APMAP: variants seen among roughly 807,000 people sequenced by gnomAD.
The protein encoded by APMAP is adipocyte plasma membrane-associated protein.
Under a neutral mutation model 43.6 loss-of-function variants are expected in APMAP, and 33 were observed. The ratio of observed to expected loss-of-function variants is 0.76; its 90% CI spans 0.57 to 1.01. The LOEUF is 1.01. Among genes scored for constraint, APMAP ranks in the 50% least tolerant of loss-of-function variants. The pLI is 0.00. For synonymous variants in APMAP, 224 were observed against 216.7 expected (o/e 1.03, Z -0.30); for missense variants, 498 against 540.7 (o/e 0.92, Z 0.78).
At position 24,992,732 on chromosome 20, in the gene APMAP, GCGGCGCC is replaced by G. The variant is rs2088206904; in HGVS notation, c.-51_-45del. 1 of 1,409,700 alleles carries G rather than the reference GCGGCGCC, an allele frequency of 7.1e-7. No individual in the cohort carries two copies. Among genetic ancestry groups the G allele is most frequent in the African/African-American group, 1.5e-5 (1 of 68,342 alleles). 87.3% of individuals were successfully genotyped at this position (1,409,700 alleles called of 1,614,324 possible). A position where few individuals can be genotyped will look rare whatever the true frequency, so the allele number is the denominator to read the frequency against. On this transcript the variant is annotated 5_prime_UTR_variant, in exon 1 of 9. Transcript: ENST00000217456. ...ACCCGCAGAAACCACCTCACACTGA[GCGGCGCC>G]GGCTCAGACTCCAGGCCCGCCCTCC...
chr20:24,982,962 G>A (rs866287472), intron 2 of APMAP, among the ~76,000 whole-genome samples: 18 of 152,216 alleles, frequency 1.2e-4, no homozygotes, highest in Middle Eastern at 3.4e-3. Flanking sequence ...CTCTTGGAGC[G>A]GACTAGAGTC....
chr20:24,976,513 G>A (rs1051618787), intron 3 of APMAP, among the ~76,000 whole-genome samples: 1 of 152,044 alleles, frequency 6.6e-6, no homozygotes, highest in Non-Finnish European at 1.5e-5. Context: ...CTATTAAAAG[G>A]GCCAAAATCC....
intron 1 of APMAP, 139 bp downstream of exon 1, chr20:24,992,455 G>A (rs998638209): frequency 4.8e-6 from 3 of 631,052 alleles, no homozygotes; most frequent in Non-Finnish European, 7.0e-6. Context: ...TTTTTCTTGG[G>A]GATGAAACGA....
In APMAP at chr20:24,970,180, C is replaced by A; in HGVS notation, c.713+17G>T. On this transcript the variant is annotated intron_variant, in intron 6 of 8. Coordinates refer to ENST00000217456, the MANE Select transcript of APMAP (RefSeq NM_020531.3). ...CTGGTGAACTCAACAAATGGGAGAC[C>A]TGGAGCAAGGCCTCACCGCCCGTCA... 6.2e-7 allele frequency: 1 copy of A among 1,613,694 alleles called. No homozygotes were observed.
intron 2 of APMAP, among the ~76,000 whole-genome samples, chr20:24,980,812 G>A (rs1030581427): frequency 6.7e-6 from 1 of 149,316 alleles, no homozygotes; most frequent in African/African-American, 2.5e-5. Context: ...GGGTCACCAT[G>A]GTCAAGAGGC....
chr20:24,967,887 C>G (rs56887298), intron 8 of APMAP, among the ~76,000 whole-genome samples: 1 of 152,176 alleles, frequency 6.6e-6, no homozygotes, highest in Non-Finnish European at 1.5e-5. Flanking sequence ...CAGATTAGGA[C>G]TTCCCACACA....
chr20:24,979,180 C>T (rs572624795), intron 2 of APMAP, among the ~76,000 whole-genome samples: 1 of 152,344 alleles, frequency 6.6e-6, no homozygotes, highest in African/African-American at 2.4e-5. Flanking sequence ...CACCCCCATC[C>T]AATGCCTCAG....
chr20:24,964,205 G>A (rs149587800), intron 8 of APMAP, among the ~76,000 whole-genome samples, 183 bp from the exon 9 acceptor site: 15 of 152,128 alleles, frequency 9.9e-5, no homozygotes, highest in African/African-American at 3.6e-4. Flanking sequence ...GGGCCCCAAA[G>A]CAGGCCCCAC....
At chr20:24,971,660 CCTTCCCATACAT>C (rs2088002151) in intron 4 of APMAP, 84 bp from the exon 5 acceptor site, 1 of 1,080,964 alleles carries the variant, frequency 9.3e-7, no homozygotes. Flanking sequence ...CTCATCCATC[CCTTCCCATACAT>C]CATGCTGTAC....
intron 1 of APMAP, among the ~76,000 whole-genome samples, chr20:24,989,878 T>A (rs925301255): frequency 2.0e-4 from 31 of 152,304 alleles, no homozygotes; most frequent in African/African-American, 7.5e-4. Context: ...CTCTTCAGTC[T>A]CCAAGAGGAA....
intron 8 of APMAP, among the ~76,000 whole-genome samples, chr20:24,966,592 C>T (rs568619456): frequency 1.0e-3 from 156 of 152,318 alleles, no homozygotes; most frequent in Admixed American, 9.9e-3. Flanking sequence ...ACAAACCCTA[C>T]TGGAGGGACA....
chr20:24,978,674 GGCAGCGTGCCACT>G (rs2088071998), intron 3 of APMAP, 80 bp downstream of exon 3: 1 of 1,010,522 alleles, frequency 9.9e-7, no homozygotes, highest in African/African-American at 1.6e-5. Flanking sequence ...CCAGTCCAGG[GGCAGCGTGCCACT>G]GCAGCTGCTC....
At position 24,990,749 on chromosome 20, in the gene APMAP, A is replaced by G. The variant is rs1384366793; in HGVS notation, c.95+1845T>C. On this transcript the variant is annotated intron_variant, in intron 1 of 8. Transcript: ENST00000217456. ...ACTAGAAATGACCACAAAATAAATGAAAAATATAGGAGAAATGCAGAAGAA... is the reference window on the plus strand; with the variant it reads ...ACTAGAAATGACCACAAAATAAATGGAAAATATAGGAGAAATGCAGAAGAA... Among the ~76,000 whole-genome samples the G allele has an allele frequency of 2.6e-5, 4 of 152,362 alleles. No individual in the cohort carries two copies. In the East Asian group the frequency reaches 7.7e-4, roughly 29 times the overall value.
intron 1 of APMAP, among the ~76,000 whole-genome samples, chr20:24,986,935 T>C (rs2088152655): frequency 6.6e-6 from 1 of 152,200 alleles, no homozygotes; most frequent in Non-Finnish European, 1.5e-5. Flanking sequence ...TGAAAATTCA[T>C]GGTGATCTGC....
intron 8 of APMAP, 146 bp from the exon 9 acceptor site, chr20:24,964,168 C>G: frequency 1.1e-6 from 1 of 879,250 alleles, no homozygotes; most frequent in Non-Finnish European, 1.8e-6. Context: ...CACAGGACAG[C>G]TAATCCAGCT....
At chr20:24,971,607 C>T in intron 4 of APMAP, 31 bp from the exon 5 acceptor site, 4 of 1,568,602 alleles carry the variant, frequency 2.6e-6, no homozygotes, top group East Asian at 2.2e-5. Context: ...GGATTGGTAG[C>T]TGGTCCCGGA....
At chr20:24,982,220 T>C (rs1244905819) in intron 2 of APMAP, among the ~76,000 whole-genome samples, 1 of 146,180 alleles carries the variant, frequency 6.8e-6, no homozygotes, top group Non-Finnish European at 1.5e-5. Context: ...CTGTGACAGT[T>C]CCACTGCCAT....
intron 2 of APMAP, among the ~76,000 whole-genome samples, chr20:24,983,441 T>C (rs574994509): frequency 1.3e-5 from 2 of 152,320 alleles, no homozygotes; most frequent in Admixed American, 6.5e-5. Context: ...GGGCTTTACA[T>C]ATACAATAGT....
chr20:24,990,816 A>T (rs892616226), intron 1 of APMAP, among the ~76,000 whole-genome samples: 4 of 152,232 alleles, frequency 2.6e-5, no homozygotes, highest in African/African-American at 9.7e-5. Context: ...ATAATTGCGG[A>T]AAGGAAGGGT....
Sources: gnomAD v4.1 joint callset for allele counts (sites outside exome capture counted in the v4.1 genomes callset) on GRCh38, gnomAD v4.1.1 for gene constraint, MANE v1.5 for transcripts, NCBI Gene and HGNC (gene_info 2026-07-23, HGNC 2026-07-21) for gene names.